STK3: variants seen among roughly 807,000 people sequenced by gnomAD.
STK3 encodes the protein serine/threonine-protein kinase 3.
In STK3, 41 loss-of-function variants were observed where a neutral mutation model predicts 58.0. The ratio of observed to expected loss-of-function variants is 0.71; its 90% CI spans 0.55 to 0.92. STK3 has a LOEUF of 0.92. STK3 is among the 40% of genes least tolerant of loss of function. STK3 has a pLI of 0.00. For synonymous variants in STK3, 170 were observed against 191.0 expected, an observed-to-expected ratio of 0.89 and a Z score of 0.91; for missense variants, 479 against 602.7, an observed-to-expected ratio of 0.79 and a Z score of 2.15.
chr8:98,484,083 T>TTAAAGACTTAATACTAAGTCTTTAAGTAG (rs1822054065), intron 10 of STK3, among the ~76,000 whole-genome samples: 1 of 143,906 alleles, frequency 6.9e-6, no homozygotes, highest in African/African-American at 2.6e-5. Flanking sequence ...CCACCATGAC[T>TTAAAGACTTAATACTAAGTCTTTAAGTAG]TAAAGACTTA....
chr8:98,768,220 T>C (rs939441405), intron 2 of STK3, among the ~76,000 whole-genome samples: 2 of 152,176 alleles, frequency 1.3e-5, no homozygotes, highest in African/African-American at 2.4e-5. Flanking sequence ...AAAAACACTA[T>C]TATCGTCATT....
At chr8:98,930,908 G>A (rs375161749) in intron 1 of STK3, among the ~76,000 whole-genome samples, 1 of 152,214 alleles carries the variant, frequency 6.6e-6, no homozygotes, top group Admixed American at 6.5e-5. Flanking sequence ...CTGAGAACAG[G>A]CCTGCACAGC....
In STK3 at chr8:98,792,470, G is replaced by A. The variant is rs546704447; in HGVS notation, c.27-17651C>T. Among the ~76,000 whole-genome samples the A allele has an allele frequency of 7.2e-5, 11 of 152,298 alleles. No homozygotes were observed. In the East Asian group the frequency reaches 2.1e-3, roughly 29 times the overall value. On this transcript the variant is annotated intron_variant, in intron 1 of 10. Transcript: ENST00000419617. Reference sequence around the variant, plus strand: ...CCGACACTTTGGGAGGCCGAGGTGGGCAGATCACCTGAGGTTGGGAGTTCG... The same window carrying A: ...CCGACACTTTGGGAGGCCGAGGTGGACAGATCACCTGAGGTTGGGAGTTCG...
chr8:98,903,869 A>G (rs189867986), intron 1 of STK3, among the ~76,000 whole-genome samples: 1 of 152,310 alleles, frequency 6.6e-6, no homozygotes, highest in East Asian at 1.9e-4. Context: ...AAACCCTGAT[A>G]CCTGATATCT....
chr8:98,850,720 G>A (rs1052430566), intron 3 of STK3, among the ~76,000 whole-genome samples: 1 of 152,182 alleles, frequency 6.6e-6, no homozygotes, highest in South Asian at 2.1e-4. Context: ...GTGCGTGGTG[G>A]GCAGCAAGAA....
At position 98,646,901 on chromosome 8, in the gene STK3, T is replaced by C. The variant is rs150279896; in HGVS notation, c.685-50732A>G. On this transcript the variant is annotated intron_variant, in intron 6 of 10. Coordinates refer to ENST00000419617, the MANE Select transcript of STK3 (RefSeq NM_006281.4). ...TGCAGAGGCCTCCCAACTGGCCTCT[T>C]TCCTTCTATCTTTGCCCACCCCGCC... is the stretch of plus-strand genomic sequence containing the variant. Among the ~76,000 whole-genome samples, 1,042 of 152,236 alleles carry C rather than the reference T, an allele frequency of 6.8e-3. 8 individuals carry two copies. Among genetic ancestry groups the C allele is most frequent in the African/African-American group, 0.024 (979 of 41,562 alleles).
chr8:98,403,449 A>G (rs755755735), intron 3 of STK3, among the ~76,000 whole-genome samples: 9 of 152,226 alleles, frequency 5.9e-5, no homozygotes, highest in Non-Finnish European at 1.0e-4. Flanking sequence ...TAAGCCAATG[A>G]AAGATCATTG....
At chr8:98,567,734 A>G (rs1368790547) in intron 8 of STK3, among the ~76,000 whole-genome samples, 3 of 152,128 alleles carry the variant, frequency 2.0e-5, no homozygotes, top group Admixed American at 1.3e-4. Flanking sequence ...AGATTTATAA[A>G]GAGATCATAT....
chr8:98,941,079 CG>C (rs2132067020), intron 1 of STK3, among the ~76,000 whole-genome samples: 1 of 152,304 alleles, frequency 6.6e-6, no homozygotes, highest in African/African-American at 2.4e-5. Flanking sequence ...CCGGTGTGGC[CG>C]CCCCCTCAGC....
At chr8:98,352,296 C>A in the STK3 span, among the ~76,000 whole-genome samples, 2 of 152,178 alleles carry the variant, frequency 1.3e-5, no homozygotes, top group Admixed American at 1.3e-4. Flanking sequence ...CCACAATTCA[C>A]AATGGTCTTT....
chr8:98,428,883 A>T lies in STK3; in HGVS notation n.483+5244T>A, dbSNP rs758043614. ...GGCCCAGGTCCTGAGGCTGATGCGG[A>T]TCTTCCGCATCTTAAAGCTGGCCAG... On this transcript the variant is annotated intron_variant and non_coding_transcript_variant, in intron 3 of 3. Transcript: ENST00000517832. The surrounding 1 kb of genome is among the most constrained non-coding windows in gnomAD (Gnocchi z 6.7). The T allele has an allele frequency of 6.2e-7, 1 of 1,614,116 alleles. No homozygotes were observed. Among genetic ancestry groups the T allele is most frequent in the East Asian group, 2.2e-5 (1 of 44,864 alleles).
intron 10 of STK3, among the ~76,000 whole-genome samples, chr8:98,473,452 G>A (rs1251471895): frequency 6.6e-6 from 1 of 152,028 alleles, no homozygotes; most frequent in Non-Finnish European, 1.5e-5. Context: ...ACCCTGCCTT[G>A]ACTCACGGCC....
intron 7 of STK3, among the ~76,000 whole-genome samples, chr8:98,592,385 T>C (rs1277057228): frequency 6.6e-6 from 1 of 152,254 alleles, no homozygotes; most frequent in Non-Finnish European, 1.5e-5. Context: ...GTATGAGGTA[T>C]CTGTGATTAC....
At chr8:98,702,426 C>T (rs989200117) in intron 6 of STK3, among the ~76,000 whole-genome samples, 1 of 152,162 alleles carries the variant, frequency 6.6e-6, no homozygotes, top group Non-Finnish European at 1.5e-5. Flanking sequence ...GACTATGACA[C>T]CCTAAATATA....
intron 6 of STK3, among the ~76,000 whole-genome samples, chr8:98,627,656 TG>T (rs1361555624): frequency 6.6e-6 from 1 of 152,136 alleles, no homozygotes; most frequent in Non-Finnish European, 1.5e-5. Flanking sequence ...GCTGGCATCA[TG>T]CTTGTATGAC....
In STK3 at chr8:98,442,885, G is replaced by A. The variant is rs927048688; in HGVS notation, n.186-5677C>T. Among the ~76,000 whole-genome samples the A allele has an allele frequency of 3.3e-5, 5 of 152,108 alleles. No individual in the cohort carries two copies. In the South Asian group the frequency reaches 1.0e-3, roughly 32 times the overall value. On this transcript the variant is annotated intron_variant and non_coding_transcript_variant, in intron 1 of 3. Coordinates refer to the STK3 transcript ENST00000517832. ...AGTACTGTGGTTGGGTCCTCACAGTGCAGGAAGTCCTGAGACTATTAAGAT... is the reference window on the plus strand; with the variant it reads ...AGTACTGTGGTTGGGTCCTCACAGTACAGGAAGTCCTGAGACTATTAAGAT...
intron 4 of STK3, among the ~76,000 whole-genome samples, chr8:98,737,200 T>C (rs544680621): frequency 1.3e-4 from 20 of 152,302 alleles, no homozygotes; most frequent in South Asian, 6.2e-4. Context: ...CCACAGATCA[T>C]ACATGAATTC....
At chr8:98,807,148 G>A (rs1360708200) in intron 1 of STK3, among the ~76,000 whole-genome samples, 6 of 123,866 alleles carry the variant, frequency 4.8e-5, no homozygotes, top group Admixed American at 4.2e-4. Flanking sequence ...GCGAGACTCC[G>A]TCTCAAAAAA....
At chr8:98,908,919 G>C (rs1189655569) in intron 1 of STK3, among the ~76,000 whole-genome samples, 2 of 150,904 alleles carry the variant, frequency 1.3e-5, no homozygotes, top group African/African-American at 4.9e-5. Flanking sequence ...ACTTTGGGAG[G>C]CCGAAGTGGG....
Sources: allele counts gnomAD v4.1 joint callset (sites outside exome capture counted in the v4.1 genomes callset), GRCh38; gene constraint gnomAD v4.1.1; non-coding constraint Gnocchi (gnomAD v3.1); transcripts MANE v1.5; gene names NCBI Gene and HGNC (gene_info 2026-07-23, HGNC 2026-07-21).